Variants in AVPR2 observed in about 807,000 individuals in gnomAD.
AVPR2 encodes vasopressin V2 receptor.
Under a neutral mutation model 12.0 loss-of-function variants are expected in AVPR2, and 3 were observed. The observed-to-expected ratio is 0.25, with a 90% confidence interval of 0.11 to 0.64. The LOEUF (loss-of-function observed/expected upper bound fraction) is 0.64, where lower values mean the gene tolerates loss of function less well. Among genes scored for constraint, AVPR2 ranks in the 30% least tolerant of loss-of-function variants. AVPR2 has a pLI of 0.84. For missense variants in AVPR2, 279 were observed against 347.9 expected (o/e 0.80, Z 1.58); for synonymous variants, 143 against 147.5 (o/e 0.97, Z 0.22).
Position 153,906,666 on chromosome X carries a change from G to C in AVPR2, c.1054G>C (p.Gly352Arg), listed in dbSNP as rs142185527. 7 of 1,209,427 alleles carry C rather than the reference G, an allele frequency of 5.8e-6. No individual in the cohort carries two copies. Among genetic ancestry groups the C allele is most frequent in the Non-Finnish European group, 7.8e-6 (7 of 894,174 alleles). ...CARGRTPPSL[G>R]PQDESCTTAS... ...CCGGGGACGCACCCCACCCAGCCTG[G>C]GTCCCCAAGATGAGTCCTGCACCAC... Residue 352 changes from glycine (G) to arginine (R), a missense_variant, in exon 4 of 4, where the codon GGT becomes CGT. Transcript: ENST00000646375.
Position 153,905,054 on chromosome X carries a change from C to A in AVPR2, c.-92C>A. 8.6e-7 allele frequency: 1 copy of A among 1,161,798 alleles called. No individual in the cohort carries two copies. The highest frequency in any genetic ancestry group is 1.2e-6 in the Non-Finnish European group (1 of 849,839). ...TGGCATCTCTATAAGGGCTCCAGTC[C>A]AGAGACCCTGGGCCATTGAACTTGC... On this transcript the variant is annotated 5_prime_UTR_variant, in exon 2 of 4. Coordinates refer to ENST00000646375, the MANE Select transcript of AVPR2 (RefSeq NM_000054.7).
Position 153,904,770 on chromosome X carries a change from A to T in AVPR2, c.-174A>T. ...CGCCCAGCTGCCCAGGAGCCCAGCC[A>T]GGTAAGGGGCTGCGCCTGCCTGCCC... On this transcript the variant is annotated splice_region_variant and 5_prime_UTR_variant, in exon 1 of 4. Coordinates refer to ENST00000646375, the MANE Select transcript of AVPR2 (RefSeq NM_000054.7). 1 of 318,100 alleles carries T rather than the reference A, an allele frequency of 3.1e-6. No homozygotes were observed. The highest frequency in any genetic ancestry group is 5.7e-6 in the Non-Finnish European group (1 of 176,305). 26.2% of individuals were successfully genotyped at this position (318,100 alleles called of 1,213,427 possible).
At position 153,905,815 on chromosome X, in the gene AVPR2, C is replaced by A; in HGVS notation, c.309C>A (p.Asp103Glu). The change falls in exon 3 of 4, where the codon GAC becomes GAA. Residue 103 changes from aspartate to glutamate, a missense_variant. Physicochemically the swap from Asp to Glu is conservative, Grantham distance 45 (BLOSUM62 2). Transcript: ENST00000646375. ...VLPQLAWKAT[D>E]RFRGPDALCR... ...CCCAGCTGGCCTGGAAGGCCACCGACCGCTTCCGTGGGCCAGATGCCCTGT... is the reference window on the plus strand; with the variant it reads ...CCCAGCTGGCCTGGAAGGCCACCGAACGCTTCCGTGGGCCAGATGCCCTGT... The A allele has an allele frequency of 8.3e-7, 1 of 1,207,237 alleles. No individual in the cohort carries two copies. Among genetic ancestry groups the A allele is most frequent in the Non-Finnish European group, 1.1e-6 (1 of 895,682 alleles).
At chrX:153,903,305 G>A (rs2064942583), upstream of AVPR2, among the ~76,000 whole-genome samples, 1 of 99,935 alleles carries the variant, frequency 1.0e-5, no homozygotes, top group Admixed American at 1.1e-4. Flanking sequence ...TGGGGTGCCA[G>A]CACTCTGCAG....
rs781939531 is a variant in AVPR2 at position 153,906,097 on chromosome X, G to A, written c.591G>A (p.Ala197=). ...SGVTDCWACF[A]EPWGRRTYVT... ...TCACTGACTGCTGGGCCTGCTTTGCGGAGCCCTGGGGCCGTCGCACCTATG... is the reference window on the plus strand; with the variant it reads ...TCACTGACTGCTGGGCCTGCTTTGCAGAGCCCTGGGGCCGTCGCACCTATG... The change falls in exon 3 of 4, where the codon GCG becomes GCA. Residue 197 remains alanine, a synonymous_variant. Transcript: ENST00000646375. 9.1e-6 allele frequency: 11 copies of A among 1,211,133 alleles called. No individual in the cohort carries two copies. Among genetic ancestry groups the A allele is most frequent in the African/African-American group, 3.5e-5 (2 of 57,615 alleles).
At chrX:153,905,468 GCAGGCCTGAGTCCCCCTGCA>G in intron 2 of AVPR2, 44 bp from the exon 3 acceptor site, 1 of 1,083,908 alleles carries the variant, frequency 9.2e-7, no homozygotes, top group African/African-American at 1.8e-5. Flanking sequence ...GGCACGGGAG[GCAGGCCTGAGTCCCCCTGCA>G]CAGCACCCTC....
In AVPR2 at chrX:153,905,635, G is replaced by A. The variant is rs1557100451; in HGVS notation, c.129G>A (p.Leu43=). 8.3e-7 allele frequency: 1 copy of A among 1,211,452 alleles called. No individual in the cohort carries two copies. The highest frequency in any genetic ancestry group is 1.1e-6 in the Non-Finnish European group (1 of 895,317). Residue 43 remains leucine (L), a synonymous_variant, in exon 3 of 4, where the codon CTG becomes CTA. Transcript: ENST00000646375. ...TGCTAGCCCGGGCGGAGCTGGCGCT[G>A]CTCTCCATAGTCTTTGTGGCTGTGG... is the stretch of plus-strand genomic sequence containing the variant. The part of the protein sequence containing the change: ...DPLLARAELA[L]LSIVFVAVAL...
intron 2 of AVPR2, 105 bp from the exon 3 acceptor site, chrX:153,905,427 C>T: frequency 4.3e-6 from 4 of 928,972 alleles, no homozygotes; most frequent in Non-Finnish European, 6.0e-6. Context: ...GTCCCCTCTG[C>T]TAGGAGCCAG....
Position 153,905,933 on chromosome X carries a change from C to T in AVPR2, c.427C>T (p.Arg143Cys), listed in dbSNP as rs1450278600. The change falls in exon 3 of 4, where the codon CGT (arginine) becomes TGT (cysteine). Residue 143 changes from arginine (R) to cysteine (C), a missense_variant. Transcript: ENST00000646375. ...GCTGGACCGCCACCGTGCCATCTGC[C>T]GTCCCATGCTGGCGTACCGCCATGG... ...MTLDRHRAIC[R>C]PMLAYRHGSG... 1.5e-5 allele frequency: 18 copies of T among 1,203,175 alleles called. No individual in the cohort carries two copies. The highest frequency in any genetic ancestry group is 3.5e-5 in the African/African-American group (2 of 57,767).
rs377274816 is a variant in AVPR2, at chrX:153,906,388, C to T, written c.882C>T (p.Ala294=). 4.3e-5 allele frequency: 52 copies of T among 1,209,185 alleles called. No homozygotes were observed. Among genetic ancestry groups the T allele is most frequent in the Admixed American group, 4.4e-5 (2 of 45,851 alleles). Residue 294 remains alanine (A), a synonymous_variant, in exon 3 of 4, where the codon GCC becomes GCT. Transcript: ENST00000646375. Reference sequence around the variant, plus strand: ...CCTTCTTCCTGGTGCAGCTGTGGGCCGCGTGGGACCCGGAGGCACCTCTGG... The same window carrying T: ...CCTTCTTCCTGGTGCAGCTGTGGGCTGCGTGGGACCCGGAGGCACCTCTGG... ...WAPFFLVQLW[A]AWDPEAPLEG...
At chrX:153,903,591 G>C (rs185149860), upstream of AVPR2, among the ~76,000 whole-genome samples, 320 of 111,185 alleles carry the variant, frequency 2.9e-3, 4 homozygotes, top group African/African-American at 9.9e-3. Context: ...CTGTGTGCAT[G>C]TATGTATGTG....
At chrX:153,904,232 C>T (rs1370623271), upstream of AVPR2, among the ~76,000 whole-genome samples, 6 of 112,145 alleles carry the variant, frequency 5.4e-5, no homozygotes, top group Middle Eastern at 4.6e-3. Context: ...TCCTGTCCCT[C>T]GTCTCCGGCC....
At chrX:153,905,402 C>A in intron 2 of AVPR2, 130 bp from the exon 3 acceptor site, 1 of 843,514 alleles carries the variant, frequency 1.2e-6, no homozygotes, top group Non-Finnish European at 1.7e-6. Context: ...TCCCTCATAA[C>A]ATGGCTTTCC....
chrX:153,903,364 A>G (rs1274010885), upstream of AVPR2, among the ~76,000 whole-genome samples: 2 of 11,788 alleles, frequency 1.7e-4, no homozygotes, highest in Non-Finnish European at 1.8e-4. Flanking sequence ...GCGGGGTGTG[A>G]TGTGCACCTG....
Position 153,905,082 on chromosome X carries a change from C to T in AVPR2, c.-64C>T. Reference sequence around the variant, plus strand: ...AGACCCTGGGCCATTGAACTTGCTCCTCAGGCAGAGGCTGAGTCCGCACAT... The same window carrying T: ...AGACCCTGGGCCATTGAACTTGCTCTTCAGGCAGAGGCTGAGTCCGCACAT... On this transcript the variant is annotated 5_prime_UTR_variant, in exon 2 of 4. Transcript: ENST00000646375. 1 of 1,207,023 alleles carries T rather than the reference C, an allele frequency of 8.3e-7. No individual in the cohort carries two copies. The highest frequency in any genetic ancestry group is 1.1e-6 in the Non-Finnish European group (1 of 890,837).
chrX:153,903,773 G>GA (rs57650984), upstream of AVPR2, among the ~76,000 whole-genome samples: 1 of 109,804 alleles, frequency 9.1e-6, no homozygotes, highest in African/African-American at 3.3e-5. Flanking sequence ...GGCTTCACAG[G>GA]CAACAGAGAA....
rs782500823 is a variant in AVPR2 at position 153,906,674 on chromosome X, A to G, written c.1062A>G (p.Gln354=). 1.8e-5 allele frequency: 22 copies of G among 1,209,741 alleles called. No homozygotes were observed. The highest frequency in any genetic ancestry group is 1.1e-4 in the Admixed American group (5 of 45,904). The change falls in exon 4 of 4, where the codon CAA becomes CAG. Residue 354 remains glutamine, a synonymous_variant. Coordinates refer to ENST00000646375, the MANE Select transcript of AVPR2 (RefSeq NM_000054.7). ...RGRTPPSLGP[Q]DESCTTASSS... The stretch of plus-strand genomic sequence containing the variant: ...GCACCCCACCCAGCCTGGGTCCCCA[A>G]GATGAGTCCTGCACCACCGCCAGCT...
In AVPR2 at chrX:153,906,681, T is replaced by C. The variant is rs782602469; in HGVS notation, c.1069T>C (p.Ser357Pro). The change falls in exon 4 of 4, where the codon TCC (serine) becomes CCC (proline). Residue 357 changes from serine (S) to proline (P), a missense_variant. Ser to Pro is a moderately conservative substitution (Grantham distance 74, BLOSUM62 -1). Coordinates refer to ENST00000646375, the MANE Select transcript of AVPR2 (RefSeq NM_000054.7). ...TPPSLGPQDE[S>P]CTTASSSLAK... ...ACCCAGCCTGGGTCCCCAAGATGAG[T>C]CCTGCACCACCGCCAGCTCCTCCCT... 8.3e-7 allele frequency: 1 copy of C among 1,211,286 alleles called. No homozygotes were observed. Among genetic ancestry groups the C allele is most frequent in the South Asian group, 1.8e-5 (1 of 56,981 alleles).
chrX:153,902,771 A>T (rs1557099695), upstream of AVPR2: 1 of 329,687 alleles, frequency 3.0e-6, no homozygotes, highest in Non-Finnish European at 5.9e-6. Context: ...GGGGGCAGAG[A>T]TTGCCACGGG....
Sources: allele counts gnomAD v4.1 joint callset (sites outside exome capture counted in the v4.1 genomes callset), GRCh38; gene constraint gnomAD v4.1.1; transcripts MANE v1.5; gene names NCBI Gene and HGNC (gene_info 2026-07-23, HGNC 2026-07-21).